TEC: variants seen among roughly 807,000 people sequenced by gnomAD.
TEC encodes the protein tec protein tyrosine kinase.
TEC carries 72 observed loss-of-function variants against 93.0 expected under a neutral mutation model. The ratio of observed to expected loss-of-function variants is 0.77; its 90% CI spans 0.64 to 0.94. The LOEUF is 0.94. Among genes scored for constraint, TEC ranks in the 40% least tolerant of loss-of-function variants. TEC has a pLI of 0.00. For missense variants in TEC, 630 were observed against 757.9 expected, an observed-to-expected ratio of 0.83 and a Z score of 1.98; for synonymous variants, 249 against 247.7, an observed-to-expected ratio of 1.01 and a Z score of -0.05.
At chr4:48,217,877 A>C (rs1723131256) in intron 2 of TEC, among the ~76,000 whole-genome samples, 1 of 152,176 alleles carries the variant, frequency 6.6e-6, no homozygotes, top group South Asian at 2.1e-4. Flanking sequence ...GTAATTATAA[A>C]AAAGAATGTC....
chr4:48,170,419 C>T (rs758523875), intron 4 of TEC, 43 bp from the exon 5 acceptor site: 2 of 1,243,238 alleles, frequency 1.6e-6, no homozygotes, highest in South Asian at 2.8e-5. Context: ...AATACAAAAG[C>T]AACTACAGAA....
chr4:48,228,191 C>G (rs992183132), intron 2 of TEC, among the ~76,000 whole-genome samples: 3 of 152,130 alleles, frequency 2.0e-5, no homozygotes, highest in Admixed American at 2.0e-4. Flanking sequence ...ACATAATAAG[C>G]GGTTTACAGG....
At chr4:48,200,521 G>A (rs537930654) in intron 2 of TEC, among the ~76,000 whole-genome samples, 2 of 152,272 alleles carry the variant, frequency 1.3e-5, no homozygotes, top group South Asian at 2.1e-4. Flanking sequence ...ATTAGGATGC[G>A]GCAGAAATTG....
chr4:48,199,477 T>TG (rs1722420162), intron 2 of TEC, among the ~76,000 whole-genome samples: 1 of 139,360 alleles, frequency 7.2e-6, no homozygotes, highest in Non-Finnish European at 1.6e-5. Flanking sequence ...TTTTTTTTTT[T>TG]TTTTTTTGAG....
chr4:48,210,847 G>C (rs1413255835), intron 2 of TEC, among the ~76,000 whole-genome samples: 1 of 152,168 alleles, frequency 6.6e-6, no homozygotes, highest in Non-Finnish European at 1.5e-5. Flanking sequence ...CATTGCAAAT[G>C]CATTGATATC....
chr4:48,141,317 T>C, intron 15 of TEC, 38 bp downstream of exon 15: 1 of 1,580,000 alleles, frequency 6.3e-7, no homozygotes, highest in Middle Eastern at 1.7e-4. Context: ...ACCAAAAAAA[T>C]GCAAACATCA....
At chr4:48,142,929 G>T (rs1436676061) in intron 14 of TEC, among the ~76,000 whole-genome samples, 1 of 152,080 alleles carries the variant, frequency 6.6e-6, no homozygotes, top group Non-Finnish European at 1.5e-5. Flanking sequence ...TGATCCGCCC[G>T]CCTCGGCCTC....
chr4:48,152,061 A>C (rs753983466), intron 9 of TEC, among the ~76,000 whole-genome samples: 5 of 151,940 alleles, frequency 3.3e-5, no homozygotes, highest in African/African-American at 4.8e-5. Flanking sequence ...AAAACAATGG[A>C]ATTAAATAAA....
At chr4:48,175,575 T>C (rs7654108) in intron 3 of TEC, among the ~76,000 whole-genome samples, 57,383 of 151,722 alleles carry the variant, frequency 0.38, 11,823 homozygotes, top group East Asian at 0.9. Context: ...CCTCCTCTTC[T>C]GGAGAGGAGA....
At chr4:48,251,661 T>C (rs539474996) in intron 1 of TEC, among the ~76,000 whole-genome samples, 1 of 152,344 alleles carries the variant, frequency 6.6e-6, no homozygotes, top group South Asian at 2.1e-4. Context: ...TTGGACATGA[T>C]TGTATTTACT....
chr4:48,268,501 A>G (rs1724698640), intron 1 of TEC, among the ~76,000 whole-genome samples: 1 of 152,268 alleles, frequency 6.6e-6, no homozygotes, highest in Non-Finnish European at 1.5e-5. Context: ...AAACTAAAAA[A>G]TACTTTCAAA....
In TEC at chr4:48,194,134, T is replaced by G. The variant is rs146830001; in HGVS notation, c.139-17948A>C. On this transcript the variant is annotated intron_variant, in intron 2 of 17. Transcript: ENST00000381501. ...ACAGCCCTGAGGGTGGGAAACCCTG[T>G]GGCAATTCTCCTAAAGCCTTCCCCT... 2.6e-5 allele frequency among the ~76,000 whole-genome samples: 4 copies of G among 152,302 alleles called. No homozygotes were observed. In the East Asian group the frequency reaches 7.7e-4, roughly 29 times the overall value.
chr4:48,145,021 G>A lies in TEC; in HGVS notation c.1470+58C>T. 4 of 1,498,254 alleles carry A rather than the reference G, an allele frequency of 2.7e-6. No individual in the cohort carries two copies. In the South Asian group the frequency reaches 3.4e-5, roughly 13 times the overall value. The allele number at this position is 1,498,254 out of a possible 1,614,324, so 92.8% of individuals were successfully genotyped here. A position where few individuals can be genotyped will look rare whatever the true frequency, so the allele number is the denominator to read the frequency against. Reference sequence around the variant, plus strand: ...ATTAATACATCATTGCACATTTGCTGAGCCAGTGTTACAAAGGAATTCAGC... The same window carrying A: ...ATTAATACATCATTGCACATTTGCTAAGCCAGTGTTACAAAGGAATTCAGC... On this transcript the variant is annotated intron_variant, in intron 14 of 17. Transcript: ENST00000381501.
At chr4:48,144,266 C>G (rs570118408) in intron 14 of TEC, among the ~76,000 whole-genome samples, 3 of 152,216 alleles carry the variant, frequency 2.0e-5, no homozygotes. Flanking sequence ...AGAAATGTGT[C>G]CATGCTTTAT....
In TEC at chr4:48,146,318, G is replaced by A. The variant is rs762824558; in HGVS notation, c.1081+7C>T. The A allele has an allele frequency of 5.6e-6, 9 of 1,612,432 alleles. No individual in the cohort carries two copies. The Admixed American group carries it at 1.3e-4, about 24-fold the overall frequency. The stretch of plus-strand genomic sequence containing the variant: ...ATTAGCTCATGCAACCACAAAATAA[G>A]AGTTACCATAGCTGAATCCTGCAGT... On this transcript the variant is annotated splice_region_variant and intron_variant, in intron 12 of 17. Transcript: ENST00000381501.
At chr4:48,265,395 G>GTA (rs1241380884) in intron 1 of TEC, among the ~76,000 whole-genome samples, 3 of 146,178 alleles carry the variant, frequency 2.1e-5, no homozygotes, top group Admixed American at 6.9e-5. Context: ...ATATGTGTGT[G>GTA]TATATGTATA....
chr4:48,180,683 G>A (rs1043670560), intron 2 of TEC, among the ~76,000 whole-genome samples: 2 of 152,144 alleles, frequency 1.3e-5, no homozygotes, highest in African/African-American at 2.4e-5. Context: ...TGAAGCTCAG[G>A]GTGCTTTAGG....
At chr4:48,252,695 C>A (rs1319258468) in intron 1 of TEC, among the ~76,000 whole-genome samples, 4 of 152,202 alleles carry the variant, frequency 2.6e-5, no homozygotes, top group African/African-American at 9.7e-5. Context: ...CATTCCAGAG[C>A]ACAAAAAGCA....
At chr4:48,155,218 T>C (rs988294046) in intron 9 of TEC, among the ~76,000 whole-genome samples, 2 of 152,202 alleles carry the variant, frequency 1.3e-5, no homozygotes, top group Non-Finnish European at 2.9e-5. Context: ...GGAATGAACA[T>C]TGTATCTGAC....
Sources: gnomAD v4.1 joint callset for allele counts (sites outside exome capture counted in the v4.1 genomes callset) on GRCh38, gnomAD v4.1.1 for gene constraint, MANE v1.5 for transcripts, NCBI Gene and HGNC (gene_info 2026-07-23, HGNC 2026-07-21) for gene names.